The following CENPI variants were observed in gnomAD, a reference collection of about 807,000 sequenced individuals.
CENPI encodes the protein centromere protein I, also known as FSH primary response 1.
CENPI carries 4 observed loss-of-function variants against 60.4 expected under a neutral mutation model. The ratio of observed to expected loss-of-function variants is 0.07; its 90% CI spans 0.03 to 0.15. CENPI has a LOEUF of 0.15. Ranked by LOEUF, CENPI falls within the 10% of genes least tolerant of loss-of-function variation. The pLI is 1.00. For missense variants in CENPI, 444 were observed against 534.5 expected (o/e 0.83, Z 1.67); for synonymous variants, 157 against 189.4 (o/e 0.83, Z 1.40).
chrX:101,160,517 A>T lies in CENPI; in HGVS notation c.2095-1011A>T, dbSNP rs761355822. 4.6e-5 allele frequency among the ~76,000 whole-genome samples: 5 copies of T among 107,741 alleles called. No homozygotes were observed. In the South Asian group the frequency reaches 1.7e-3, roughly 36 times the overall value. 93.6% of individuals were successfully genotyped at this position (107,741 alleles called of 115,157 possible). ...TGCCTCAGCCTCCCAAGTAGCTGGG[A>T]TTACAGGTGCACGCCACCATGCCTG... On this transcript the variant is annotated intron_variant, in intron 20 of 21. Transcript: ENST00000682095.
intron 13 of CENPI, among the ~76,000 whole-genome samples, chrX:101,130,761 C>G (rs140905861): frequency 9.0e-6 from 1 of 111,342 alleles, no homozygotes; most frequent in East Asian, 2.8e-4. Context: ...TTTGGGTAAC[C>G]CTGAGTTGTA....
chrX:101,138,310 G>T (rs1444639400), intron 15 of CENPI, among the ~76,000 whole-genome samples: 2 of 108,034 alleles, frequency 1.9e-5, no homozygotes, highest in African/African-American at 6.8e-5. Flanking sequence ...CTTTAATGTG[G>T]TGACAGGGGT....
chrX:101,175,343 G>A, the CENPI span, among the ~76,000 whole-genome samples: 9 of 111,858 alleles, frequency 8.0e-5, no homozygotes, highest in African/African-American at 2.9e-4. Flanking sequence ...ACCTACCCCT[G>A]TTGGATATTT....
chrX:101,122,025 G>A (rs2089685102), intron 8 of CENPI, among the ~76,000 whole-genome samples: 1 of 110,226 alleles, frequency 9.1e-6, no homozygotes, highest in Non-Finnish European at 1.9e-5. Context: ...GGCTGGTCTC[G>A]AACTCCTGAC....
intron 20 of CENPI, among the ~76,000 whole-genome samples, chrX:101,159,871 C>T (rs5920887): frequency 0.15 from 17,007 of 111,147 alleles, 1,190 homozygotes; most frequent in Middle Eastern, 0.22. Flanking sequence ...GTGAGGAGGA[C>T]AATTTGAGAA....
chrX:101,157,246 A>G (rs1313548464), intron 20 of CENPI, among the ~76,000 whole-genome samples: 1 of 111,879 alleles, frequency 8.9e-6, no homozygotes, highest in Non-Finnish European at 1.9e-5. Flanking sequence ...TATAATGTAC[A>G]TATATGTGTT....
chrX:101,128,956 T>G (rs1002981241), intron 12 of CENPI, 120 bp downstream of exon 12: 2 of 577,784 alleles, frequency 3.5e-6, no homozygotes, highest in Non-Finnish European at 5.4e-6. Flanking sequence ...TAATCTTATA[T>G]TTAGAGCATG....
chrX:101,121,509 G>A (rs1274953204), intron 8 of CENPI, among the ~76,000 whole-genome samples: 7 of 109,765 alleles, frequency 6.4e-5, no homozygotes, highest in Admixed American at 4.9e-4. Flanking sequence ...GGCTGGTCTC[G>A]AACTCTTGAC....
chrX:101,120,712 G>C (rs1426969613), intron 7 of CENPI, 26 bp from the exon 8 acceptor site: 3 of 1,190,576 alleles, frequency 2.5e-6, no homozygotes, highest in Middle Eastern at 2.3e-4. Flanking sequence ...CAAATGCATA[G>C]TACGTCTTTC....
Position 101,127,573 on chromosome X carries a change from A to G in CENPI, c.982A>G (p.Ser328Gly). 8.4e-7 allele frequency: 1 copy of G among 1,197,089 alleles called. No homozygotes were observed. Among genetic ancestry groups the G allele is most frequent in the Non-Finnish European group, 1.1e-6 (1 of 883,559 alleles). Residue 328 changes from serine to glycine, a missense_variant, in exon 11 of 22, where the codon AGT (serine) becomes GGT (glycine). Coordinates refer to ENST00000682095, the MANE Select transcript of CENPI (RefSeq NM_001386188.2). ...YTKECGKKEM[S>G]LSDCLNRSGS... ...TAAAGAATGTGGAAAAAAAGAGATG[A>G]GTCTTTCTGATTGTCTGAATAGAAG...
rs2089976129 is a variant in CENPI, at chrX:101,147,951, A to G, written c.1884A>G (p.Ser628=). The change falls in exon 20 of 22, where the codon TCA becomes TCG. Residue 628 remains serine (S), a synonymous_variant. Coordinates refer to ENST00000682095, the MANE Select transcript of CENPI (RefSeq NM_001386188.2). ...KKNELVQKTK[S]EFNFSSKTYQ... ...TATTTCTTTCCCATTAGACAAAATC[A>G]GAGTTCAATTTCAGCAGCAAGACTT... 1.7e-6 allele frequency: 2 copies of G among 1,207,011 alleles called. No individual in the cohort carries two copies. The highest frequency in any genetic ancestry group is 3.0e-5 in the East Asian group (1 of 33,826).
chrX:101,167,462 A>T (rs928003135), downstream of CENPI, among the ~76,000 whole-genome samples: 22 of 111,880 alleles, frequency 2.0e-4, no homozygotes, highest in African/African-American at 7.1e-4. Context: ...TATAATTTTT[A>T]AAAATTAACC....
downstream of CENPI, among the ~76,000 whole-genome samples, chrX:101,166,348 G>A (rs1310043489): frequency 5.4e-5 from 6 of 111,815 alleles, no homozygotes; most frequent in African/African-American, 1.9e-4. Context: ...TAGAGATGGG[G>A]TTTCATCATG....
At chrX:101,125,999 TAATA>T (rs199864372) in intron 8 of CENPI, among the ~76,000 whole-genome samples, 1,906 of 111,994 alleles carry the variant, frequency 0.017, 42 homozygotes, top group African/African-American at 0.058. Context: ...GGTTTTGTTT[TAATA>T]AATTTAATTT....
At chrX:101,162,754 TC>T (rs2090122788) in intron 21 of CENPI, 78 bp from the exon 22 acceptor site, 3 of 1,103,345 alleles carry the variant, frequency 2.7e-6, no homozygotes, top group Non-Finnish European at 2.5e-6. Context: ...TGCAAACTCT[TC>T]CTAGGGAAAG....
At chrX:101,135,779 G>A (rs936879088) in intron 15 of CENPI, among the ~76,000 whole-genome samples, 1 of 111,208 alleles carries the variant, frequency 9.0e-6, no homozygotes, top group African/African-American at 3.3e-5. Flanking sequence ...GGAGTGCAGT[G>A]GCGTGATCTT....
chrX:101,143,823 C>A (rs1307912018), intron 16 of CENPI, among the ~76,000 whole-genome samples: 1 of 112,237 alleles, frequency 8.9e-6, no homozygotes, highest in African/African-American at 3.2e-5. Context: ...GCCACTGCCC[C>A]CAGCCAAATT....
chrX:101,129,134 A>T (rs2089768360), intron 12 of CENPI, among the ~76,000 whole-genome samples: 1 of 111,683 alleles, frequency 9.0e-6, no homozygotes, highest in African/African-American at 3.3e-5. Context: ...GGGCCCCAGA[A>T]TCATCCTGTT....
the CENPI span, among the ~76,000 whole-genome samples, chrX:101,174,703 G>A: frequency 9.0e-6 from 1 of 110,748 alleles, no homozygotes; most frequent in Non-Finnish European, 1.9e-5. Flanking sequence ...AAACTATTGG[G>A]TACTATGCTC....
Sources: gnomAD v4.1 joint callset for allele counts (sites outside exome capture counted in the v4.1 genomes callset) on GRCh38, gnomAD v4.1.1 for gene constraint, MANE v1.5 for transcripts, NCBI Gene and HGNC (gene_info 2026-07-23, HGNC 2026-07-21) for gene names.